The following IL18RAP variants were observed in gnomAD, a reference collection of about 807,000 sequenced individuals.
IL18RAP encodes interleukin 18 receptor accessory protein.
Under a neutral mutation model 58.1 loss-of-function variants are expected in IL18RAP, and 37 were observed. That is an observed-to-expected ratio of 0.64 (90% confidence interval 0.49 to 0.84). IL18RAP has a LOEUF of 0.84. Ranked by LOEUF, IL18RAP falls within the 40% of genes least tolerant of loss-of-function variation. The probability of loss-of-function intolerance (pLI) is 0.00; values close to 1 mark genes in which losing one functional copy is unlikely to be tolerated. For synonymous variants in IL18RAP, 268 were observed against 257.5 expected (o/e 1.04, Z -0.39); for missense variants, 667 against 704.8 (o/e 0.95, Z 0.61).
At chr2:102,439,733 C>G (rs1450288793) in intron 4 of IL18RAP, 1 of 152,112 alleles carries the variant, frequency 6.6e-6, no homozygotes. Context: ...ACTGAAAAAG[C>G]TGAAGGGAAA....
At chr2:102,435,151 G>C (rs953178439) in intron 3 of IL18RAP, 1 of 152,196 alleles carries the variant, frequency 6.6e-6, no homozygotes, top group Non-Finnish European at 1.5e-5. Flanking sequence ...GTCACACTGA[G>C]TGGCTCACTG....
chr2:102,422,583 A>C (rs1189803096), upstream of IL18RAP, among the ~76,000 whole-genome samples: 2 of 152,158 alleles, frequency 1.3e-5, no homozygotes, highest in African/African-American at 4.8e-5. Context: ...CTGCCTTATC[A>C]AGAGAGGGGA....
chr2:102,423,932 A>G lies in IL18RAP; in HGVS notation c.192A>G (p.Pro64=). The G allele has an allele frequency of 6.2e-7, 1 of 1,614,060 alleles. No homozygotes were observed. The highest frequency in any genetic ancestry group is 2.2e-5 in the East Asian group (1 of 44,878). ...TCTGCCACAGAAATCGACTCTCACC[A>G]AAACAAGTCCCTGAGCACCTGCCCT... The part of the protein sequence containing the change: ...SHFCHRNRLS[P]KQVPEHLPFM... The change falls in exon 2 of 10, where the codon CCA becomes CCG. Residue 64 remains proline, a synonymous_variant. Transcript: ENST00000687160.
chr2:102,420,234 A>G (rs1009307234), upstream of IL18RAP, among the ~76,000 whole-genome samples: 1 of 152,184 alleles, frequency 6.6e-6, no homozygotes, highest in Non-Finnish European at 1.5e-5. Flanking sequence ...CCCAAGCTCT[A>G]TGCTTATCCC....
intron 7 of IL18RAP, among the ~76,000 whole-genome samples, chr2:102,446,833 C>T (rs1019072557): frequency 1.6e-4 from 25 of 151,998 alleles, no homozygotes; most frequent in Admixed American, 1.4e-3. Flanking sequence ...TAATGGTCTC[C>T]AACTCCATCC....
intron 7 of IL18RAP, 27 bp from the exon 8 acceptor site, chr2:102,447,043 C>T: frequency 6.2e-7 from 1 of 1,610,954 alleles, no homozygotes; most frequent in South Asian, 1.1e-5. Context: ...GCCTCTATGT[C>T]TCTTCATACT....
intron 7 of IL18RAP, 24 bp from the exon 8 acceptor site, chr2:102,447,046 T>C: frequency 6.2e-7 from 1 of 1,611,792 alleles, no homozygotes; most frequent in African/African-American, 1.3e-5. Context: ...TCTATGTCTC[T>C]TCATACTGGC....
intron 7 of IL18RAP, 141 bp downstream of exon 7, chr2:102,445,481 A>G (rs1038131534): frequency 1.2e-6 from 1 of 843,802 alleles, no homozygotes; most frequent in East Asian, 2.6e-5. Context: ...TCCTGGTGTC[A>G]ACCCATTTAA....
Position 102,452,448 on chromosome 2 carries a change from CA to C in IL18RAP, c.*268del. On this transcript the variant is annotated 3_prime_UTR_variant, in exon 10 of 10. Transcript: ENST00000687160. ...CCCTAAGATTTCCCAGTGGTCCGAG[CA>C]GAATCAGAAAATACAGCTACTTCTG... is the stretch of plus-strand genomic sequence containing the variant. 2.5e-6 allele frequency: 1 copy of C among 397,070 alleles called. No individual in the cohort carries two copies. Among genetic ancestry groups the C allele is most frequent in the Non-Finnish European group, 4.5e-6 (1 of 223,338 alleles). 24.6% of individuals were successfully genotyped at this position (397,070 alleles called of 1,614,324 possible).
intron 3 of IL18RAP, chr2:102,435,083 C>T (rs1402871144): frequency 2.0e-5 from 3 of 152,068 alleles, no homozygotes; most frequent in East Asian, 1.9e-4. Flanking sequence ...CTACACTTAA[C>T]GGGAAAGAGC....
intron 3 of IL18RAP, among the ~76,000 whole-genome samples, chr2:102,428,708 C>A (rs1185553939): frequency 6.6e-6 from 1 of 151,824 alleles, no homozygotes; most frequent in African/African-American, 2.4e-5. Context: ...GTTTCTCTTG[C>A]CTAATTGCTC....
At chr2:102,431,313 A>G (rs545454703) in intron 3 of IL18RAP, among the ~76,000 whole-genome samples, 244 of 152,308 alleles carry the variant, frequency 1.6e-3, no homozygotes, top group Middle Eastern at 6.8e-3. Flanking sequence ...TTTCTTGAAC[A>G]TGATATGTTT....
intron 3 of IL18RAP, chr2:102,434,300 C>T (rs1682589155): frequency 6.6e-6 from 1 of 152,198 alleles, no homozygotes; most frequent in Non-Finnish European, 1.5e-5. Flanking sequence ...AGTTGGCAGG[C>T]AAGTCTTTCC....
At chr2:102,435,457 A>G (rs1174518572) in intron 3 of IL18RAP, 2 of 152,208 alleles carry the variant, frequency 1.3e-5, no homozygotes, top group East Asian at 1.9e-4. Flanking sequence ...GTAGTAGTAA[A>G]TTCAATTAGG....
upstream of IL18RAP, chr2:102,423,019 A>T (rs908583592): frequency 1.4e-4 from 74 of 512,350 alleles, no homozygotes; most frequent in African/African-American, 1.2e-3. Context: ...AAGAAATGAC[A>T]CAAGTGAAAA....
chr2:102,437,199 T>A lies in IL18RAP; in HGVS notation c.580-13T>A. The stretch of plus-strand genomic sequence containing the variant: ...GTGGCAAATTTATCTGCTTAAAATA[T>A]CTTTTGGATTAGAATGGAAAACTCC... On this transcript the variant is annotated splice_polypyrimidine_tract_variant and intron_variant, in intron 3 of 9. Coordinates refer to ENST00000687160, the MANE Select transcript of IL18RAP (RefSeq NM_001393487.1). 1 of 1,596,856 alleles carries A rather than the reference T, an allele frequency of 6.3e-7. No homozygotes were observed. Among genetic ancestry groups the A allele is most frequent in the Non-Finnish European group, 8.5e-7 (1 of 1,173,568 alleles).
At chr2:102,451,606 C>T (rs1285040819) in intron 9 of IL18RAP, among the ~76,000 whole-genome samples, 160 bp from the exon 10 acceptor site, 2 of 152,224 alleles carry the variant, frequency 1.3e-5, no homozygotes, top group African/African-American at 4.8e-5. Context: ...GGTCACTAGA[C>T]ACTGGAGCGT....
chr2:102,446,870 T>C (rs1166051277), intron 7 of IL18RAP, among the ~76,000 whole-genome samples, 200 bp from the exon 8 acceptor site: 1 of 152,186 alleles, frequency 6.6e-6, no homozygotes, highest in African/African-American at 2.4e-5. Flanking sequence ...CATTATTTTG[T>C]TCCTTTTTAT....
chr2:102,447,350 C>CTGG, intron 8 of IL18RAP, 143 bp downstream of exon 8: 1 of 947,718 alleles, frequency 1.1e-6, no homozygotes, highest in Non-Finnish European at 1.6e-6. Context: ...CCCCTGCCAG[C>CTGG]CAGGGCAGAG....
Sources: gnomAD v4.1 joint callset for allele counts (sites outside exome capture counted in the v4.1 genomes callset) on GRCh38, gnomAD v4.1.1 for gene constraint, MANE v1.5 for transcripts, NCBI Gene and HGNC (gene_info 2026-07-23, HGNC 2026-07-21) for gene names.